CYP2C18: variants seen among roughly 807,000 people sequenced by gnomAD.
The protein encoded by CYP2C18 is cytochrome P450 2C18.
In CYP2C18, 38 loss-of-function variants were observed where a neutral mutation model predicts 41.3. The observed-to-expected ratio is 0.92, with a 90% confidence interval of 0.71 to 1.21. The LOEUF (loss-of-function observed/expected upper bound fraction) is 1.21, where lower values mean the gene tolerates loss of function less well. Among genes scored for constraint, CYP2C18 ranks in the 50% most tolerant of loss-of-function variants. The pLI is 0.00. For synonymous variants in CYP2C18, 236 were observed against 210.0 expected, an observed-to-expected ratio of 1.12 and a Z score of -1.07; for missense variants, 635 against 591.4, an observed-to-expected ratio of 1.07 and a Z score of -0.77.
chr10:94,727,690 A>G (rs1331363710), intron 7 of CYP2C18, among the ~76,000 whole-genome samples: 2 of 152,156 alleles, frequency 1.3e-5, no homozygotes, highest in African/African-American at 4.8e-5. Context: ...CACTCTCCAC[A>G]TTACTGGGAG....
chr10:94,717,358 C>T (rs973927164), intron 5 of CYP2C18, among the ~76,000 whole-genome samples: 4 of 152,066 alleles, frequency 2.6e-5, no homozygotes, highest in African/African-American at 9.7e-5. Flanking sequence ...CCTTCTGGTG[C>T]TCTTGTAGGG....
rs765319303 is a variant in CYP2C18 at position 94,733,328 on chromosome 10, T to G, written c.1181T>G (p.Val394Gly). The G allele has an allele frequency of 5.6e-6, 9 of 1,613,276 alleles. No individual in the cohort carries two copies. Among genetic ancestry groups the G allele is most frequent in the Non-Finnish European group, 7.6e-6 (9 of 1,179,526 alleles). The stretch of plus-strand genomic sequence containing the variant: ...ACCATAATAACATCCCTGACTTCTG[T>G]GCTGCACAATGACAAAGAATTCCCC... ...GTTIITSLTSVLHNDKEFPNP... is the reference protein window; with the variant it reads ...GTTIITSLTSGLHNDKEFPNP... Residue 394 changes from valine (V) to glycine (G), a missense_variant, in exon 8 of 9, where the codon GTG (valine) becomes GGG (glycine). By Grantham distance (109) the Val-to-Gly change is moderately radical. Coordinates refer to ENST00000285979, the MANE Select transcript of CYP2C18 (RefSeq NM_000772.3).
chr10:94,720,280 C>G (rs770282703), intron 5 of CYP2C18, 116 bp from the exon 6 acceptor site: 7 of 855,082 alleles, frequency 8.2e-6, no homozygotes, highest in Middle Eastern at 7.2e-4. Context: ...TAATACTGCA[C>G]TCTGTACAGT....
At chr10:94,691,589 C>G (rs201147395) in intron 3 of CYP2C18, among the ~76,000 whole-genome samples, 4 of 152,098 alleles carry the variant, frequency 2.6e-5, no homozygotes, top group African/African-American at 9.7e-5. Flanking sequence ...ATGAAAATGG[C>G]CATACCACCC....
Position 94,691,379 on chromosome 10 carries a change from G to A in CYP2C18, c.481+3105G>A, listed in dbSNP as rs201633987. On this transcript the variant is annotated intron_variant, in intron 3 of 8. Coordinates refer to ENST00000285979, the MANE Select transcript of CYP2C18 (RefSeq NM_000772.3). ...TCACAAGCATTCTTATACACCAATA[G>A]CAGACAAACAGAGAGCCAAATCATG... Among the ~76,000 whole-genome samples the A allele has an allele frequency of 4.1e-4, 62 of 152,036 alleles. No individual in the cohort carries two copies. The East Asian group carries it at 9.7e-3, about 24-fold the overall frequency.
At chr10:94,726,269 T>C (rs1847740031) in intron 7 of CYP2C18, among the ~76,000 whole-genome samples, 1 of 152,098 alleles carries the variant, frequency 6.6e-6, no homozygotes, top group Admixed American at 6.6e-5. Context: ...TACATAGGTA[T>C]ACACGTGCCA....
At chr10:94,694,465 A>C (rs2134179997) in intron 3 of CYP2C18, among the ~76,000 whole-genome samples, 1 of 152,220 alleles carries the variant, frequency 6.6e-6, no homozygotes, top group South Asian at 2.1e-4. Context: ...GGTACTACAC[A>C]CAGTTACTTT....
intron 7 of CYP2C18, among the ~76,000 whole-genome samples, chr10:94,729,811 G>C (rs571360822): frequency 1.3e-5 from 2 of 152,094 alleles, no homozygotes; most frequent in African/African-American, 4.8e-5. Context: ...GTTTTAGCAA[G>C]TTAAAATGAA....
At chr10:94,702,118 G>C (rs1041488573) in intron 4 of CYP2C18, among the ~76,000 whole-genome samples, 28 of 152,152 alleles carry the variant, frequency 1.8e-4, no homozygotes, top group African/African-American at 6.3e-4. Flanking sequence ...TAGTCTAATG[G>C]GCTTCCCTTT....
chr10:94,705,482 C>G (rs929901403), intron 4 of CYP2C18, among the ~76,000 whole-genome samples: 1 of 152,148 alleles, frequency 6.6e-6, no homozygotes, highest in African/African-American at 2.4e-5. Flanking sequence ...TGTAACAAAC[C>G]TGCACATCCT....
chr10:94,690,676 G>T (rs1846981855), intron 3 of CYP2C18, among the ~76,000 whole-genome samples: 1 of 152,154 alleles, frequency 6.6e-6, no homozygotes, highest in South Asian at 2.1e-4. Flanking sequence ...CTCATTTTAT[G>T]AGGGCAGCAT....
rs111489446 is a variant in CYP2C18, at chr10:94,735,296, G to A, written c.1325G>A (p.Arg442His). Reference sequence around the variant, plus strand: ...ATGTGTATGGGAGAGGGCCTGGCCCGCATGGAGCTGTTTTTATTCCTGACC... The same window carrying A: ...ATGTGTATGGGAGAGGGCCTGGCCCACATGGAGCTGTTTTTATTCCTGACC... ...KRMCMGEGLA[R>H]MELFLFLTTI... Residue 442 changes from arginine to histidine, a missense_variant, in exon 9 of 9, where the codon CGC (arginine) becomes CAC (histidine). Transcript: ENST00000285979. 104 of 1,613,568 alleles carry A rather than the reference G, an allele frequency of 6.4e-5. No homozygotes were observed. Among genetic ancestry groups the A allele is most frequent in the South Asian group, 8.8e-5 (8 of 91,072 alleles).
Position 94,724,542 on chromosome 10 carries a change from G to C in CYP2C18, c.1149+9G>C, listed in dbSNP as rs763335065. 6.2e-7 allele frequency: 1 copy of C among 1,611,596 alleles called. No homozygotes were observed. The highest frequency in any genetic ancestry group is 1.7e-5 in the Admixed American group (1 of 59,922). On this transcript the variant is annotated intron_variant, in intron 7 of 8. Transcript: ENST00000285979. ...ACTACCTCATCCCCAAGGTAAGCTT[G>C]TTTCTCCTACACTACATCTCCATGC...
chr10:94,697,428 G>A (rs1454917823), intron 4 of CYP2C18, among the ~76,000 whole-genome samples: 1 of 152,138 alleles, frequency 6.6e-6, no homozygotes, highest in Non-Finnish European at 1.5e-5. Context: ...ACAAGCAAAT[G>A]CTGAGAGATT....
At chr10:94,690,658 C>T (rs1015061909) in intron 3 of CYP2C18, among the ~76,000 whole-genome samples, 1 of 152,134 alleles carries the variant, frequency 6.6e-6, no homozygotes, top group Non-Finnish European at 1.5e-5. Context: ...AGAGGGAATC[C>T]TCTCTAACTC....
At position 94,729,649 on chromosome 10, in the gene CYP2C18, A is replaced by G. The variant is rs568801540; in HGVS notation, c.1150-3648A>G. Among the ~76,000 whole-genome samples the G allele has an allele frequency of 9.2e-5, 14 of 152,242 alleles. 1 individual carries two copies. The South Asian group carries it at 2.7e-3, about 29-fold the overall frequency. On this transcript the variant is annotated intron_variant, in intron 7 of 8. Transcript: ENST00000285979. Reference sequence around the variant, plus strand: ...ATTTTGCCATTTTGTATATATAAACAATCTTGGGACATTCTTCTGAAAACT... The same window carrying G: ...ATTTTGCCATTTTGTATATATAAACGATCTTGGGACATTCTTCTGAAAACT...
chr10:94,705,406 G>A (rs1847323964), intron 4 of CYP2C18, among the ~76,000 whole-genome samples: 1 of 152,134 alleles, frequency 6.6e-6, no homozygotes, highest in South Asian at 2.1e-4. Flanking sequence ...GCTAATGTGT[G>A]CGGGGCTTAA....
At chr10:94,693,862 AATTGCCCTTTCCTCTT>A (rs1237860550) in intron 3 of CYP2C18, among the ~76,000 whole-genome samples, 3 of 152,150 alleles carry the variant, frequency 2.0e-5, no homozygotes, top group African/African-American at 4.8e-5. Context: ...TTTATTTAAA[AATTGCCCTTTCCTCTT>A]ATTGCCCTTA....
At chr10:94,715,978 T>G (rs1847535047) in intron 5 of CYP2C18, among the ~76,000 whole-genome samples, 1 of 152,206 alleles carries the variant, frequency 6.6e-6, no homozygotes, top group Non-Finnish European at 1.5e-5. Context: ...CGTAGAGGTG[T>G]TTATAGTATG....
Sources: allele counts gnomAD v4.1 joint callset (sites outside exome capture counted in the v4.1 genomes callset), GRCh38; gene constraint gnomAD v4.1.1; transcripts MANE v1.5; gene names NCBI Gene and HGNC (gene_info 2026-07-23, HGNC 2026-07-21).